Variants in CCDC146 observed in about 807,000 individuals in gnomAD.
CCDC146 encodes the protein coiled-coil domain containing 146.
In CCDC146, 92 loss-of-function variants were observed where a neutral mutation model predicts 119.3. The observed-to-expected ratio is 0.77, with a 90% CI of 0.65 to 0.92. The LOEUF is 0.92. Ranked by LOEUF, CCDC146 falls within the 40% of genes least tolerant of loss-of-function variation. The probability of loss-of-function intolerance (pLI) is 0.00; values close to 1 mark genes in which losing one functional copy is unlikely to be tolerated. For missense variants in CCDC146, 1,000 were observed against 1,103.0 expected, an observed-to-expected ratio of 0.91 and a Z score of 1.32; for synonymous variants, 372 against 371.8, an observed-to-expected ratio of 1.00 and a Z score of -0.01.
intron 2 of CCDC146, among the ~76,000 whole-genome samples, chr7:77,175,633 G>T (rs188329743): frequency 6.6e-6 from 1 of 151,400 alleles, no homozygotes; most frequent in Non-Finnish European, 1.5e-5. Flanking sequence ...TCAGTTGCAT[G>T]TCAGATTTGA....
At chr7:77,144,547 G>A (rs1436352807) in intron 1 of CCDC146, among the ~76,000 whole-genome samples, 1 of 151,770 alleles carries the variant, frequency 6.6e-6, no homozygotes, top group Non-Finnish European at 1.5e-5. Flanking sequence ...GATATTGGTT[G>A]TGGGTTTGTC....
chr7:77,133,239 GA>G (rs1790812010), intron 1 of CCDC146, among the ~76,000 whole-genome samples: 1 of 152,166 alleles, frequency 6.6e-6, no homozygotes, highest in Non-Finnish European at 1.5e-5. Context: ...TAACTTGAAA[GA>G]GAAGAGAACC....
At chr7:77,271,887 T>C (rs1285091877) in intron 9 of CCDC146, among the ~76,000 whole-genome samples, 1 of 152,076 alleles carries the variant, frequency 6.6e-6, no homozygotes, top group Non-Finnish European at 1.5e-5. Flanking sequence ...GTTGACATAG[T>C]AGCTAGTGAG....
chr7:77,280,770 C>T, intron 14 of CCDC146, 117 bp downstream of exon 14: 1 of 711,454 alleles, frequency 1.4e-6, no homozygotes, highest in Non-Finnish European at 2.3e-6. Flanking sequence ...GTTGCATTAG[C>T]CTTTGGAGAG....
At chr7:77,294,462 A>AGG (rs72354879) in intron 18 of CCDC146, among the ~76,000 whole-genome samples, 3,849 of 103,042 alleles carry the variant, frequency 0.037, 70 homozygotes, top group South Asian at 0.051. Context: ...AATGAGAGGT[A>AGG]GGTGTGTGTG....
intron 2 of CCDC146, among the ~76,000 whole-genome samples, chr7:77,235,041 T>C (rs1792708644): frequency 6.6e-6 from 1 of 152,170 alleles, no homozygotes; most frequent in Admixed American, 6.5e-5. Context: ...ACTCAGACTT[T>C]TGCATTTTGA....
At chr7:77,171,593 C>T (rs539341933) in intron 2 of CCDC146, among the ~76,000 whole-genome samples, 1 of 152,306 alleles carries the variant, frequency 6.6e-6, no homozygotes, top group Admixed American at 6.5e-5. Context: ...TAAATTTCTT[C>T]TGTTTCATGC....
At position 77,219,254 on chromosome 7, in the gene CCDC146, AT is replaced by A. The variant is rs796095875; in HGVS notation, c.157-17687del. Among the ~76,000 whole-genome samples, 88 of 152,316 alleles carry A rather than the reference AT, an allele frequency of 5.8e-4. 1 individual carries two copies. The highest frequency in any genetic ancestry group is 1.9e-3 in the African/African-American group (78 of 41,570). On this transcript the variant is annotated intron_variant, in intron 2 of 18. Transcript: ENST00000285871. ...TTTGGTGAACTGTTTGTTAGAATCT[AT>A]TTTTTAAACTTAAAAAAGTTTTCCT...
chr7:77,286,719 TC>T (rs1793854792), intron 15 of CCDC146, 78 bp from the exon 16 acceptor site: 3 of 1,478,466 alleles, frequency 2.0e-6, no homozygotes, highest in Non-Finnish European at 2.8e-6. Flanking sequence ...TAAAAAACTC[TC>T]AAGACCCTAG....
At chr7:77,258,471 C>T (rs1033345056) in intron 6 of CCDC146, among the ~76,000 whole-genome samples, 9 of 152,090 alleles carry the variant, frequency 5.9e-5, no homozygotes, top group Admixed American at 2.6e-4. Flanking sequence ...GCAACCATTC[C>T]GTTTTTCATT....
chr7:77,196,505 C>T lies in CCDC146; in HGVS notation c.156+28681C>T, dbSNP rs1459657752. 12 of 1,614,098 alleles carry T rather than the reference C, an allele frequency of 7.4e-6. No homozygotes were observed. The highest frequency in any genetic ancestry group is 7.6e-6 in the Non-Finnish European group (9 of 1,179,978). On this transcript the variant is annotated intron_variant, in intron 2 of 18. Coordinates refer to ENST00000285871, the MANE Select transcript of CCDC146 (RefSeq NM_020879.3). The surrounding 1 kb of genome is among the most constrained non-coding windows in gnomAD (Gnocchi z 4.2). Reference sequence around the variant, plus strand: ...CAGCCCACAGTTCCCAGAAGGATATCGATCATTGTCTTTATCTGGAGTGGT... The same window carrying T: ...CAGCCCACAGTTCCCAGAAGGATATTGATCATTGTCTTTATCTGGAGTGGT...
chr7:77,237,143 C>T (rs926225705), intron 3 of CCDC146, 114 bp downstream of exon 3: 13 of 820,020 alleles, frequency 1.6e-5, no homozygotes, highest in African/African-American at 1.5e-4. Flanking sequence ...CAAGGATTTG[C>T]GTTCAGGGAG....
At chr7:77,182,797 G>C (rs1204312242) in intron 2 of CCDC146, among the ~76,000 whole-genome samples, 1 of 151,956 alleles carries the variant, frequency 6.6e-6, no homozygotes, top group Non-Finnish European at 1.5e-5. Flanking sequence ...CTGTCTCAAA[G>C]AAGAAAAAAT....
chr7:77,225,779 C>A (rs758240750), intron 2 of CCDC146, among the ~76,000 whole-genome samples: 3 of 151,944 alleles, frequency 2.0e-5, no homozygotes, highest in Non-Finnish European at 4.4e-5. Flanking sequence ...CCCGTCTCTA[C>A]TAAATATACA....
At chr7:77,277,619 C>T (rs1021379019) in intron 11 of CCDC146, among the ~76,000 whole-genome samples, 22 of 152,146 alleles carry the variant, frequency 1.4e-4, no homozygotes, top group African/African-American at 5.1e-4. Flanking sequence ...CACTATCACC[C>T]CTAAGACAGA....
intron 2 of CCDC146, chr7:77,194,568 C>G (rs1056311755): frequency 6.6e-6 from 1 of 151,978 alleles, no homozygotes; most frequent in African/African-American, 2.4e-5. Context: ...CTAAATAGTT[C>G]TGTAAGGGCC....
At chr7:77,210,646 AT>A (rs1792163265) in intron 2 of CCDC146, among the ~76,000 whole-genome samples, 1 of 152,214 alleles carries the variant, frequency 6.6e-6, no homozygotes, top group African/African-American at 2.4e-5. Context: ...AATTTTCTGT[AT>A]TAGTCCATTC....
At chr7:77,264,771 T>C (rs59963076) in intron 9 of CCDC146, among the ~76,000 whole-genome samples, 14,111 of 152,278 alleles carry the variant, frequency 0.093, 1,211 homozygotes, top group East Asian at 0.42. Flanking sequence ...TGTTCCATTT[T>C]CTCTCCCACA....
At chr7:77,228,861 G>A (rs1792568408) in intron 2 of CCDC146, among the ~76,000 whole-genome samples, 1 of 152,140 alleles carries the variant, frequency 6.6e-6, no homozygotes, top group Non-Finnish European at 1.5e-5. Context: ...TAGTTCTGGG[G>A]TACATATGCA....
Sources: gnomAD v4.1 joint callset for allele counts (sites outside exome capture counted in the v4.1 genomes callset) on GRCh38, gnomAD v4.1.1 for gene constraint, Gnocchi (gnomAD v3.1) non-coding constraint, MANE v1.5 for transcripts, NCBI Gene and HGNC (gene_info 2026-07-23, HGNC 2026-07-21) for gene names.